The following TMED5 variants were observed in gnomAD, a reference collection of about 807,000 sequenced individuals.
The protein encoded by TMED5 is transmembrane emp24 domain-containing protein 5.
TMED5 carries 27 observed loss-of-function variants against 23.0 expected under a neutral mutation model. The ratio of observed to expected loss-of-function variants is 1.17; its 90% confidence interval spans 0.86 to 1.62. The LOEUF is 1.62. Ranked by LOEUF, TMED5 falls within the 40% of genes most tolerant of loss-of-function variation. The probability of loss-of-function intolerance (pLI) is 0.00; values close to 1 mark genes in which losing one functional copy is unlikely to be tolerated. For synonymous variants in TMED5, 97 were observed against 100.8 expected, an observed-to-expected ratio of 0.96 and a Z score of 0.23; for missense variants, 248 against 273.7, an observed-to-expected ratio of 0.91 and a Z score of 0.66.
Position 93,154,861 on chromosome 1 carries a change from G to A in TMED5, c.499C>T (p.Leu167=), listed in dbSNP as rs769323085. The change falls in exon 4 of 4, where the codon CTA becomes TTA. Residue 167 remains leucine (L), a synonymous_variant. Coordinates refer to ENST00000370282, the MANE Select transcript of TMED5 (RefSeq NM_016040.5). ...GTTTGTATGTGCCCACTTTTGCTTA[G>A]TCTGGACTTGATGCTGTTGATGGAT... ...LESINSIKSR[L]SKSGHIQTLL... The A allele has an allele frequency of 1.2e-6, 2 of 1,611,928 alleles. No individual in the cohort carries two copies. The highest frequency in any genetic ancestry group is 1.1e-5 in the South Asian group (1 of 90,824).
chr1:93,159,570 C>T (rs1208759648), intron 2 of TMED5, among the ~76,000 whole-genome samples: 1 of 152,086 alleles, frequency 6.6e-6, no homozygotes, highest in Non-Finnish European at 1.5e-5. Flanking sequence ...TTTTGCTGAA[C>T]TCTGAACTCA....
rs768022802 is a variant in TMED5 at position 93,156,387 on chromosome 1, A to G, written c.384T>C (p.Asn128=). The G allele has an allele frequency of 1.2e-6, 2 of 1,613,702 alleles. No individual in the cohort carries two copies. Among genetic ancestry groups the G allele is most frequent in the South Asian group, 2.2e-5 (2 of 91,082 alleles). The change falls in exon 3 of 4, where the codon AAT becomes AAC. Residue 128 remains asparagine (N), a synonymous_variant. Transcript: ENST00000370282. ...CTTGTTCTTGTGCCTGTTCTCCCATATTATCCAGGATTAATTCAAAGAAAA... is the reference window on the plus strand; with the variant it reads ...CTTGTTCTTGTGCCTGTTCTCCCATGTTATCCAGGATTAATTCAAAGAAAA... ...KVIFFELILD[N]MGEQAQEQED...
Position 93,180,103 on chromosome 1 carries a change from C to T in TMED5, c.140G>A (p.Cys47Tyr). 6.2e-7 allele frequency: 1 copy of T among 1,613,786 alleles called. No individual in the cohort carries two copies. Among genetic ancestry groups the T allele is most frequent in the Non-Finnish European group, 8.5e-7 (1 of 1,179,820 alleles). ...TFTLPAGQKE[C>Y]FYQPMPLKAS... ...CTTCAGGGGCATGGGCTGGTAGAAG[C>T]ACTCCTTCTGGCCGGCGGGAAGGGT... The change falls in exon 1 of 4, where the codon TGC becomes TAC. Residue 47 changes from cysteine (C) to tyrosine (Y), a missense_variant. Coordinates refer to ENST00000370282, the MANE Select transcript of TMED5 (RefSeq NM_016040.5).
intron 1 of TMED5, chr1:93,163,150 A>T (rs1362971344): frequency 2.9e-5 from 3 of 101,840 alleles, no homozygotes; most frequent in Non-Finnish European, 5.2e-5. Flanking sequence ...ATTCTCAAAG[A>T]ATTACTCAAG....
At chr1:93,168,713 T>C (rs1193496234) in intron 1 of TMED5, among the ~76,000 whole-genome samples, 1 of 152,166 alleles carries the variant, frequency 6.6e-6, no homozygotes, top group African/African-American at 2.4e-5. Flanking sequence ...CACGTGCCTG[T>C]AGTCCCAGCT....
chr1:93,174,681 C>T (rs558403455), intron 1 of TMED5, among the ~76,000 whole-genome samples: 1 of 152,214 alleles, frequency 6.6e-6, no homozygotes, highest in East Asian at 1.9e-4. Flanking sequence ...CTGTTGTTTC[C>T]GTCTTTGTGT....
At chr1:93,171,759 T>C (rs1026569414) in intron 1 of TMED5, among the ~76,000 whole-genome samples, 3 of 152,134 alleles carry the variant, frequency 2.0e-5, no homozygotes. Flanking sequence ...TTACAAGAAA[T>C]GGAAACTACA....
intron 1 of TMED5, chr1:93,162,264 T>C (rs528193541): frequency 6.6e-6 from 1 of 152,352 alleles, no homozygotes; most frequent in Non-Finnish European, 1.5e-5. Context: ...CATAATTTTC[T>C]TCTTTAAATC....
intron 1 of TMED5, among the ~76,000 whole-genome samples, chr1:93,176,109 A>G (rs1648901791): frequency 6.6e-6 from 1 of 152,216 alleles, no homozygotes; most frequent in Non-Finnish European, 1.5e-5. Context: ...CAAAAGACCC[A>G]TATCCTTAAC....
Position 93,154,821 on chromosome 1 carries a change from A to G in TMED5, c.539T>C (p.Phe180Ser), listed in dbSNP as rs908110609. 1.1e-5 allele frequency: 18 copies of G among 1,614,070 alleles called. No individual in the cohort carries two copies. The African/African-American group carries it at 1.2e-4, about 11-fold the overall frequency. Residue 180 changes from phenylalanine to serine, a missense_variant, in exon 4 of 4, where the codon TTT (phenylalanine) becomes TCT (serine). Transcript: ENST00000370282. The part of the protein sequence containing the change: ...SGHIQTLLRA[F>S]EARDRNIQES... Reference sequence around the variant, plus strand: ...TTGTATGTTTCGATCACGAGCTTCAAATGCTCTAAGCAGAGTTTGTATGTG... The same window carrying G: ...TTGTATGTTTCGATCACGAGCTTCAGATGCTCTAAGCAGAGTTTGTATGTG...
rs149948173 is a variant in TMED5 at position 93,166,275 on chromosome 1, A to G, written c.190-6049T>C. 3.3e-5 allele frequency among the ~76,000 whole-genome samples: 5 copies of G among 152,350 alleles called. No homozygotes were observed. In the East Asian group the frequency reaches 9.6e-4, roughly 29 times the overall value. ...TACTGATTTTCTTTCTTTTGGGTAT[A>G]TACCCAGTGGTGGGATTGCTGGACT... On this transcript the variant is annotated intron_variant, in intron 1 of 3. Transcript: ENST00000370282.
chr1:93,155,343 T>C (rs145512546), intron 3 of TMED5, among the ~76,000 whole-genome samples: 2 of 152,308 alleles, frequency 1.3e-5, no homozygotes, highest in Non-Finnish European at 2.9e-5. Flanking sequence ...CATTAGAGAT[T>C]CTCTGTAAGG....
rs1647854867 is a variant in TMED5, at chr1:93,151,039, C to G, written c.*3631G>C. 1 of 152,308 alleles carries G rather than the reference C, an allele frequency of 6.6e-6. No homozygotes were observed. The highest frequency in any genetic ancestry group is 2.1e-4 in the South Asian group (1 of 4,822). 9.4% of individuals were successfully genotyped at this position (152,308 alleles called of 1,614,324 possible). On this transcript the variant is annotated 3_prime_UTR_variant, in exon 4 of 4. Coordinates refer to ENST00000370282, the MANE Select transcript of TMED5 (RefSeq NM_016040.5). ...GAAGACCTTCAGGATTTTCCCTGCC[C>G]TGCATTTTCTTGCCTTTTTCTTTCA...
chr1:93,171,140 C>G (rs1410734863), intron 1 of TMED5, among the ~76,000 whole-genome samples: 1 of 152,200 alleles, frequency 6.6e-6, no homozygotes, highest in East Asian at 1.9e-4. Flanking sequence ...CAGCTTCACT[C>G]CTGAAGCCAG....
In TMED5 at chr1:93,154,386, C is replaced by T; in HGVS notation, c.*284G>A. On this transcript the variant is annotated 3_prime_UTR_variant, in exon 4 of 4. Transcript: ENST00000370282. ...ACTCATTTATTTAAATCACCTAAGA[C>T]ATTTGCAAAATTTTTCAAAGTTAGG... The T allele has an allele frequency of 2.7e-6, 1 of 375,004 alleles. No individual in the cohort carries two copies. 23.2% of individuals were successfully genotyped at this position (375,004 alleles called of 1,614,324 possible). A position where few individuals can be genotyped will look rare whatever the true frequency, so the allele number is the denominator to read the frequency against.
At chr1:93,157,458 G>A (rs1481890403) in intron 2 of TMED5, among the ~76,000 whole-genome samples, 1 of 152,114 alleles carries the variant, frequency 6.6e-6, no homozygotes, top group Admixed American at 6.5e-5. Context: ...GGCCAGGTGC[G>A]GTGGCTCATA....
Position 93,151,157 on chromosome 1 carries a change from C to T in TMED5, c.*3513G>A, listed in dbSNP as rs1390431449. On this transcript the variant is annotated 3_prime_UTR_variant, in exon 4 of 4. Coordinates refer to ENST00000370282, the MANE Select transcript of TMED5 (RefSeq NM_016040.5). Reference sequence around the variant, plus strand: ...CTTTAATTGGTGTCCTTTCCCCAGACGTACATTAGGTGTATGGCTCCAGGT... The same window carrying T: ...CTTTAATTGGTGTCCTTTCCCCAGATGTACATTAGGTGTATGGCTCCAGGT... The T allele has an allele frequency of 2.0e-5, 3 of 152,112 alleles. No individual in the cohort carries two copies. Among genetic ancestry groups the T allele is most frequent in the East Asian group, 1.9e-4 (1 of 5,188 alleles). The allele number at this position is 152,112 out of a possible 1,614,324, so 9.4% of individuals were successfully genotyped here.
chr1:93,180,182 G>C lies in TMED5; in HGVS notation c.61C>G (p.Leu21Val), dbSNP rs1476889857. The change falls in exon 1 of 4, where the codon CTG (leucine) becomes GTG (valine). Residue 21 changes from leucine to valine, a missense_variant. Coordinates refer to ENST00000370282, the MANE Select transcript of TMED5 (RefSeq NM_016040.5). ...GTGAAGCCGGCCGCCCCAGGCAGCAGCACCGGAGGCAGAGCGGCCAGAAGG... is the reference window on the plus strand; with the variant it reads ...GTGAAGCCGGCCGCCCCAGGCAGCACCACCGGAGGCAGAGCGGCCAGAAGG... ...VLLLAALPPVLLPGAAGFTPS... is the reference protein window; with the variant it reads ...VLLLAALPPVVLPGAAGFTPS... The C allele has an allele frequency of 1.2e-6, 2 of 1,613,364 alleles. No homozygotes were observed. Among genetic ancestry groups the C allele is most frequent in the South Asian group, 2.2e-5 (2 of 91,070 alleles).
chr1:93,161,620 C>A, intron 1 of TMED5: 1 of 152,326 alleles, frequency 6.6e-6, no homozygotes, highest in Non-Finnish European at 1.5e-5. Context: ...GGGTCAAGTC[C>A]TTTGAAATCT....
Sources: gnomAD v4.1 joint callset for allele counts (sites outside exome capture counted in the v4.1 genomes callset) on GRCh38, gnomAD v4.1.1 for gene constraint, MANE v1.5 for transcripts, NCBI Gene and HGNC (gene_info 2026-07-23, HGNC 2026-07-21) for gene names.